Variants in TENM2 observed in about 807,000 individuals in gnomAD.
TENM2 encodes teneurin transmembrane protein 2, also known as teneurin-2.
TENM2 carries 52 observed loss-of-function variants against 245.2 expected under a neutral mutation model. The observed-to-expected ratio is 0.21, with a 90% CI of 0.17 to 0.27. TENM2 has a LOEUF of 0.27. TENM2 is among the 10% of genes least tolerant of loss of function. The pLI is 1.00. For synonymous variants in TENM2, 1,363 were observed against 1,438.9 expected (o/e 0.95, Z 1.19); for missense variants, 3,046 against 3,666.8 (o/e 0.83, Z 4.37).
chr5:167,346,855 C>G (rs1178868018), intron 1 of TENM2, among the ~76,000 whole-genome samples: 1 of 152,210 alleles, frequency 6.6e-6, no homozygotes, highest in African/African-American at 2.4e-5. Context: ...CTTTCTGCAG[C>G]CTTGACCTCC....
At chr5:167,495,559 T>C (rs1402119894) in intron 2 of TENM2, among the ~76,000 whole-genome samples, 1 of 152,096 alleles carries the variant, frequency 6.6e-6, no homozygotes, top group African/African-American at 2.4e-5. Context: ...TAATGGGCAT[T>C]GGGAAATAAT....
chr5:167,929,060 AG>A (rs1350098331), intron 3 of TENM2, among the ~76,000 whole-genome samples: 1 of 2,154 alleles, frequency 4.6e-4, no homozygotes, highest in African/African-American at 2.9e-3. Context: ...AAAGAAAGAG[AG>A]AAAGAAAGAA....
chr5:167,498,868 A>G (rs1768992297), intron 2 of TENM2, among the ~76,000 whole-genome samples: 8 of 152,134 alleles, frequency 5.3e-5, no homozygotes. Context: ...TGATGACGAT[A>G]TTCTCTGTAT....
At chr5:167,401,096 A>AAATAAAGAAATAAAT (rs1762343204) in intron 2 of TENM2, among the ~76,000 whole-genome samples, 1 of 152,034 alleles carries the variant, frequency 6.6e-6, no homozygotes, top group Non-Finnish European at 1.5e-5. Flanking sequence ...TGTCTCTTAA[A>AAATAAAGAAATAAAT]AAATAAAGAA....
chr5:167,117,515 TAATA>T, the TENM2 span, among the ~76,000 whole-genome samples: 6 of 151,638 alleles, frequency 4.0e-5, no homozygotes, highest in African/African-American at 1.2e-4. Flanking sequence ...AAAAAAATAA[TAATA>T]AATAAAAAGA....
At chr5:167,174,491 A>G in the TENM2 span, among the ~76,000 whole-genome samples, 2,208 of 152,262 alleles carry the variant, frequency 0.015, 52 homozygotes, top group African/African-American at 0.05. Context: ...TGAACGCTGA[A>G]AAGTTTTATT....
intron 2 of TENM2, among the ~76,000 whole-genome samples, chr5:167,812,521 G>T (rs182047819): frequency 6.6e-6 from 1 of 152,104 alleles, no homozygotes; most frequent in Non-Finnish European, 1.5e-5. Flanking sequence ...TAATTTATTG[G>T]TGAATGCTGC....
chr5:167,923,008 C>T (rs1561938382), intron 3 of TENM2, among the ~76,000 whole-genome samples: 1 of 152,188 alleles, frequency 6.6e-6, no homozygotes, highest in Non-Finnish European at 1.5e-5. Flanking sequence ...CCCCCCAGTG[C>T]CTCTGTCTCT....
At chr5:167,194,129 G>A in the TENM2 span, among the ~76,000 whole-genome samples, 1 of 151,952 alleles carries the variant, frequency 6.6e-6, no homozygotes, top group East Asian at 1.9e-4. Context: ...ACCCTCACTC[G>A]TAATGAGGCC....
intron 2 of TENM2, chr5:167,721,466 C>G (rs897931077): frequency 2.0e-5 from 3 of 152,206 alleles, no homozygotes; most frequent in African/African-American, 7.2e-5. Flanking sequence ...TGGGTTTCGT[C>G]TCTTTCTGGA....
At chr5:167,992,681 G>C (rs1783757830) in intron 4 of TENM2, among the ~76,000 whole-genome samples, 1 of 152,146 alleles carries the variant, frequency 6.6e-6, no homozygotes, top group Admixed American at 6.5e-5. Context: ...CAGTCATTCA[G>C]TTTCCATATT....
rs1280176152 is a variant in TENM2 at position 167,384,701 on chromosome 5, T to TGC, written c.502+9233_502+9234dup. Among the ~76,000 whole-genome samples, 6 of 103,910 alleles carry TGC rather than the reference T, an allele frequency of 5.8e-5. No homozygotes were observed. The South Asian group carries it at 1.1e-3, about 19-fold the overall frequency. 68.2% of individuals were successfully genotyped at this position (103,910 alleles called of 152,430 possible). On this transcript the variant is annotated intron_variant, in intron 2 of 28. Coordinates refer to ENST00000518659, the Ensembl canonical transcript of TENM2. ...CACAGATACAGCGCGTGCACACGCG[T>TGC]GCGCGCACACACGCACACACACACA...
At chr5:168,209,977 T>C (rs6897788) in intron 19 of TENM2, among the ~76,000 whole-genome samples, 17,874 of 152,060 alleles carry the variant, frequency 0.12, 1,690 homozygotes, top group East Asian at 0.27. Flanking sequence ...GACCCTGCAG[T>C]GTGAAGAAGA....
At chr5:167,211,570 T>C in the TENM2 span, among the ~76,000 whole-genome samples, 60 of 152,304 alleles carry the variant, frequency 3.9e-4, 1 homozygote, top group South Asian at 0.012. Flanking sequence ...AGTTTTCCTC[T>C]CATTCTCACC....
intron 3 of TENM2, among the ~76,000 whole-genome samples, chr5:167,889,209 C>T (rs1312830087): frequency 1.3e-5 from 2 of 152,140 alleles, no homozygotes; most frequent in Admixed American, 6.6e-5. Context: ...ATCTTTATTG[C>T]GACTTCCCAC....
At chr5:168,081,607 C>G (rs1324978678) in intron 7 of TENM2, among the ~76,000 whole-genome samples, 1 of 152,170 alleles carries the variant, frequency 6.6e-6, no homozygotes, top group Non-Finnish European at 1.5e-5. Flanking sequence ...CCTTCAGGAG[C>G]TCTTGTAAGG....
intron 5 of TENM2, among the ~76,000 whole-genome samples, chr5:168,020,009 T>C (rs1435347499): frequency 6.6e-6 from 1 of 152,222 alleles, no homozygotes; most frequent in Non-Finnish European, 1.5e-5. Context: ...TTTCTACCTA[T>C]ATGGCAATTA....
At chr5:167,345,826 T>A (rs1423274714) in intron 1 of TENM2, among the ~76,000 whole-genome samples, 1 of 151,958 alleles carries the variant, frequency 6.6e-6, no homozygotes, top group African/African-American at 2.4e-5. Context: ...AGGACACTTT[T>A]TTTTCTTATC....
At chr5:167,789,941 A>G (rs182141100) in intron 2 of TENM2, among the ~76,000 whole-genome samples, 4 of 152,282 alleles carry the variant, frequency 2.6e-5, no homozygotes, top group Non-Finnish European at 1.5e-5. Flanking sequence ...TATTGTCATT[A>G]TACAATTTTC....
Sources: gnomAD v4.1 joint callset for allele counts (sites outside exome capture counted in the v4.1 genomes callset) on GRCh38, gnomAD v4.1.1 for gene constraint, MANE v1.5 for transcripts, NCBI Gene and HGNC (gene_info 2026-07-23, HGNC 2026-07-21) for gene names.